Variants in VPS33A observed in about 807,000 individuals in gnomAD.
VPS33A encodes vacuolar protein sorting-associated protein 33A.
Under a neutral mutation model 71.8 loss-of-function variants are expected in VPS33A, and 32 were observed. The observed-to-expected ratio is 0.45, with a 90% confidence interval of 0.34 to 0.60. The LOEUF is 0.60. Among genes scored for constraint, VPS33A ranks in the 20% least tolerant of loss-of-function variants. The pLI is 0.02. For missense variants in VPS33A, 625 were observed against 748.5 expected (o/e 0.84, Z 1.92); for synonymous variants, 311 against 292.7 (o/e 1.06, Z -0.64).
intron 5 of VPS33A, 149 bp from the exon 6 acceptor site, chr12:122,250,194 A>T: frequency 3.5e-6 from 3 of 849,554 alleles, no homozygotes; most frequent in Non-Finnish European, 5.2e-6. Flanking sequence ...CTAGAAAAGC[A>T]CCTTGCTGTT....
At chr12:122,256,800 G>A (rs1162206138) in intron 4 of VPS33A, among the ~76,000 whole-genome samples, 1 of 152,104 alleles carries the variant, frequency 6.6e-6, no homozygotes, top group Admixed American at 6.5e-5. Context: ...GCTCATTCTC[G>A]GCAGCACTGC....
At chr12:122,254,801 C>T (rs527636085) in intron 4 of VPS33A, among the ~76,000 whole-genome samples, 1 of 152,218 alleles carries the variant, frequency 6.6e-6, no homozygotes, top group East Asian at 1.9e-4. Flanking sequence ...CCTGTAATCC[C>T]AGCACTTTGG....
intron 6 of VPS33A, chr12:122,248,517 A>G (rs1566044938): frequency 1.3e-5 from 2 of 152,220 alleles, no homozygotes; most frequent in Admixed American, 6.5e-5. Context: ...CAGCCAAACC[A>G]AACATACTTG....
chr12:122,247,876 A>G (rs1954795962), intron 6 of VPS33A, among the ~76,000 whole-genome samples: 2 of 151,898 alleles, frequency 1.3e-5, no homozygotes, highest in African/African-American at 4.8e-5. Flanking sequence ...TTTCTTTTTA[A>G]ATATTTAAAA....
chr12:122,263,652 C>A lies in VPS33A; in HGVS notation c.216G>T (p.Pro72=), dbSNP rs201814157. Residue 72 remains proline (P), a synonymous_variant, in exon 3 of 13, where the codon CCG becomes CCT. Transcript: ENST00000267199. ...KMFTLKGNRL[P]AADVKNIIFF... is the part of the protein sequence containing the mutation. ...AAATTATATTCTTCACATCAGCTGC[C>A]GGCAAACGATTTCCTTTAAGTGTGA... is the stretch of plus-strand genomic sequence containing the variant. The A allele has an allele frequency of 1.9e-6, 3 of 1,613,230 alleles. No individual in the cohort carries two copies. Among genetic ancestry groups the A allele is most frequent in the Non-Finnish European group, 2.5e-6 (3 of 1,179,358 alleles).
At chr12:122,244,533 C>T in intron 7 of VPS33A, 36 bp downstream of exon 7, 1 of 1,556,980 alleles carries the variant, frequency 6.4e-7, no homozygotes, top group Non-Finnish European at 8.8e-7. Flanking sequence ...TACCTGAGGC[C>T]TAGAGTTGCA....
intron 4 of VPS33A, among the ~76,000 whole-genome samples, chr12:122,252,623 G>A (rs1163560154): frequency 6.6e-6 from 1 of 152,082 alleles, no homozygotes; most frequent in Non-Finnish European, 1.5e-5. Context: ...CCTGTGAGGT[G>A]AGAGGAGGGA....
At chr12:122,239,747 CTCAAAAAAAAAAA>C (rs1415959039) in intron 9 of VPS33A, 118 bp downstream of exon 9, 10 of 324,186 alleles carry the variant, frequency 3.1e-5, no homozygotes, top group Non-Finnish European at 4.9e-5. Context: ...GAGACTCCGT[CTCAAAAAAAAAAA>C]AAAAAAAAAA....
At position 122,259,378 on chromosome 12, in the gene VPS33A, C is replaced by T. The variant is rs561487881; in HGVS notation, c.483+1883G>A. Among the ~76,000 whole-genome samples the T allele has an allele frequency of 2.6e-5, 4 of 152,150 alleles. No homozygotes were observed. The East Asian group carries it at 5.8e-4, about 22-fold the overall frequency. ...GGGATTACAGGCATGCGCCATCATG[C>T]CTGGCTAATTTTGTATTTTTAGTAG... On this transcript the variant is annotated intron_variant, in intron 4 of 12. Coordinates refer to ENST00000267199, the MANE Select transcript of VPS33A (RefSeq NM_022916.6).
chr12:122,233,483 C>T (rs541311803), intron 11 of VPS33A, among the ~76,000 whole-genome samples: 3 of 152,286 alleles, frequency 2.0e-5, no homozygotes, highest in East Asian at 3.9e-4. Flanking sequence ...GCCTCGGCCT[C>T]CCAAAGTGTT....
intron 2 of VPS33A, 75 bp from the exon 3 acceptor site, chr12:122,263,774 A>C: frequency 6.8e-7 from 1 of 1,467,244 alleles, no homozygotes; most frequent in South Asian, 1.4e-5. Flanking sequence ...AGAAATCATA[A>C]ATACCCCCAA....
At position 122,229,757 on chromosome 12, in the gene VPS33A, C is replaced by T. The variant is rs892153448; in HGVS notation, c.*2489G>A. On this transcript the variant is annotated 3_prime_UTR_variant, in exon 13 of 13. Coordinates refer to ENST00000267199, the MANE Select transcript of VPS33A (RefSeq NM_022916.6). Reference sequence around the variant, plus strand: ...AGTATTAAATGAACTTACACAAAGGCGTATAATATATAATTATCTACCATT... The same window carrying T: ...AGTATTAAATGAACTTACACAAAGGTGTATAATATATAATTATCTACCATT... 3.9e-5 allele frequency: 6 copies of T among 152,224 alleles called. No homozygotes were observed. Among genetic ancestry groups the T allele is most frequent in the Non-Finnish European group, 7.3e-5 (5 of 68,036 alleles). The allele number at this position is 152,224 out of a possible 1,614,324, so 9.4% of individuals were successfully genotyped here. A position where few individuals can be genotyped will look rare whatever the true frequency, so the allele number is the denominator to read the frequency against.
chr12:122,263,769 T>G, intron 2 of VPS33A, 70 bp from the exon 3 acceptor site: 1 of 1,478,204 alleles, frequency 6.8e-7, no homozygotes, highest in Non-Finnish European at 9.1e-7. Flanking sequence ...GACTCAGAAA[T>G]CATAAATACC....
chr12:122,239,535 C>A (rs745768927), intron 9 of VPS33A, among the ~76,000 whole-genome samples: 5 of 151,982 alleles, frequency 3.3e-5, no homozygotes, highest in Admixed American at 2.0e-4. Flanking sequence ...GAGATCGAGA[C>A]CATCCTGGCT....
At chr12:122,251,747 G>A (rs1025953113) in intron 4 of VPS33A, among the ~76,000 whole-genome samples, 4 of 152,000 alleles carry the variant, frequency 2.6e-5, no homozygotes, top group African/African-American at 9.7e-5. Context: ...ACACAGGAAG[G>A]GGAACATCAC....
chr12:122,235,638 T>C (rs1954619753), intron 11 of VPS33A, 148 bp downstream of exon 11: 1 of 1,038,274 alleles, frequency 9.6e-7, no homozygotes, highest in Non-Finnish European at 1.4e-6. Flanking sequence ...TTCTGATGGA[T>C]ACAATACATG....
At chr12:122,264,101 A>C in intron 2 of VPS33A, 33 bp downstream of exon 2, 2 of 1,473,138 alleles carry the variant, frequency 1.4e-6, no homozygotes, top group Non-Finnish European at 1.8e-6. Context: ...CAGAATTATT[A>C]ATCCCCTAAC....
intron 10 of VPS33A, among the ~76,000 whole-genome samples, chr12:122,236,638 A>G (rs1800978387): frequency 3.3e-5 from 5 of 152,228 alleles, no homozygotes; most frequent in Admixed American, 2.6e-4. Flanking sequence ...TGTCTCAAAA[A>G]ATAAATAAAT....
chr12:122,249,182 T>C lies in VPS33A; in HGVS notation c.775+689A>G, dbSNP rs554079469. ...AACCTCTAATTGAAATAGGCATGGC[T>C]ACGCAGTTTTTCATGTTCCACATTT... On this transcript the variant is annotated intron_variant, in intron 6 of 12. Transcript: ENST00000267199. The C allele has an allele frequency of 3.9e-5, 6 of 152,314 alleles. No individual in the cohort carries two copies. The South Asian group carries it at 1.2e-3, about 32-fold the overall frequency. 9.4% of individuals were successfully genotyped at this position (152,314 alleles called of 1,614,324 possible).
Sources: gnomAD v4.1 joint callset for allele counts (sites outside exome capture counted in the v4.1 genomes callset) on GRCh38, gnomAD v4.1.1 for gene constraint, MANE v1.5 for transcripts, NCBI Gene and HGNC (gene_info 2026-07-23, HGNC 2026-07-21) for gene names.